The following NOLC1 variants were observed in gnomAD, a reference collection of about 807,000 sequenced individuals.
NOLC1 encodes 140 kDa nucleolar phosphoprotein.
NOLC1 carries 37 observed loss-of-function variants against 73.4 expected under a neutral mutation model. The observed-to-expected ratio is 0.50, with a 90% CI of 0.39 to 0.66. NOLC1 has a LOEUF of 0.66. Among genes scored for constraint, NOLC1 ranks in the 30% least tolerant of loss-of-function variants. The pLI is 0.00. For missense variants in NOLC1, 921 were observed against 838.9 expected (o/e 1.10, Z -1.21); for synonymous variants, 327 against 302.6 (o/e 1.08, Z -0.84).
At chr10:102,156,289 G>A (rs2069592919) in intron 1 of NOLC1, among the ~76,000 whole-genome samples, 1 of 151,946 alleles carries the variant, frequency 6.6e-6, no homozygotes, top group South Asian at 2.1e-4. Context: ...TTTTGGCAGA[G>A]GGGTAGAGAT....
In NOLC1 at chr10:102,157,465, G is replaced by A; in HGVS notation, c.351G>A (p.Gly117=). ...CCAAGCGAGTCGGTCTGCCTCCTGG[G>A]AAGGCTGCAGCCAAAGCATCAGAGA... ...VPAKRVGLPP[G]KAAAKASESS... The change falls in exon 4 of 13, where the codon GGG becomes GGA. Residue 117 remains glycine (G), a synonymous_variant. Coordinates refer to ENST00000605788, the MANE Select transcript of NOLC1 (RefSeq NM_004741.5). The A allele has an allele frequency of 1.2e-6, 2 of 1,614,196 alleles. No homozygotes were observed. The highest frequency in any genetic ancestry group is 1.7e-6 in the Non-Finnish European group (2 of 1,180,038).
intron 11 of NOLC1, 63 bp from the exon 12 acceptor site, chr10:102,161,770 A>G: frequency 1.4e-5 from 22 of 1,548,500 alleles, no homozygotes; most frequent in Non-Finnish European, 2.0e-5. Flanking sequence ...GCCCATGTGT[A>G]TCACTCAGGA....
At chr10:102,155,919 C>T (rs1157414130) in intron 1 of NOLC1, among the ~76,000 whole-genome samples, 3 of 151,760 alleles carry the variant, frequency 2.0e-5, no homozygotes, top group Non-Finnish European at 2.9e-5. Flanking sequence ...TGCAGTGGCG[C>T]GATCTCAGCT....
rs375777293 is a variant in NOLC1, at chr10:102,162,122, C to T, written c.1953C>T (p.Ala651=). The change falls in exon 13 of 13, where the codon GCC becomes GCT. Residue 651 remains alanine (A), a synonymous_variant. Transcript: ENST00000605788. ...TCTCTACTTACCAGCGAGGTGCAGC[C>T]GGAGACTGGGGAGAGCGAGCCAATC... ...DNSFDAKRGA[A]GDWGERANQV... 3.0e-5 allele frequency: 49 copies of T among 1,613,622 alleles called. No individual in the cohort carries two copies. In the Admixed American group the frequency reaches 4.5e-4, roughly 15 times the overall value.
At chr10:102,155,735 C>T (rs764678852) in intron 1 of NOLC1, among the ~76,000 whole-genome samples, 12 of 152,076 alleles carry the variant, frequency 7.9e-5, no homozygotes, top group Non-Finnish European at 4.4e-5. Context: ...GTCTCAAACT[C>T]CTGACATCAT....
At chr10:102,158,297 G>A (rs1258853127) in intron 5 of NOLC1, 83 bp downstream of exon 5, 1 of 1,205,246 alleles carries the variant, frequency 8.3e-7, no homozygotes, top group Non-Finnish European at 1.2e-6. Flanking sequence ...TTGGCACAGG[G>A]GTGAAATGGT....
rs758729794 is a variant in NOLC1, at chr10:102,159,975, G to A, written c.939G>A (p.Val313=). The A allele has an allele frequency of 6.2e-7, 1 of 1,611,840 alleles. No individual in the cohort carries two copies. Residue 313 remains valine (V), a synonymous_variant, in exon 8 of 13, where the codon GTG becomes GTA. Transcript: ENST00000605788. ...SLGTQPPKKA[V]EKQQPVESSE... ...GAACCCAGCCTCCCAAGAAGGCTGT[G>A]GAGAAGCAGCAGCCTGTGGAAAGCA... is the stretch of plus-strand genomic sequence containing the variant.
chr10:102,157,194 C>T lies in NOLC1; in HGVS notation c.182C>T (p.Ala61Val), dbSNP rs560818971. Residue 61 changes from alanine (A) to valine (V), a missense_variant, in exon 3 of 13, where the codon GCC becomes GTC. Coordinates refer to ENST00000605788, the MANE Select transcript of NOLC1 (RefSeq NM_004741.5). Reference protein sequence around the residue: ...LDIYSFWLKSAKVPERKLQAN... With the variant: ...LDIYSFWLKSVKVPERKLQAN... ...GGTCCAATCTACCTCAGCAGGTCTG[C>T]CAAGGTCCCAGAGCGAAAGTTACAG... 1 of 1,614,100 alleles carries T rather than the reference C, an allele frequency of 6.2e-7. No homozygotes were observed. The highest frequency in any genetic ancestry group is 1.1e-5 in the South Asian group (1 of 91,066).
At chr10:102,154,761 A>G (rs1020595349) in intron 1 of NOLC1, among the ~76,000 whole-genome samples, 13 of 152,010 alleles carry the variant, frequency 8.6e-5, no homozygotes, top group Non-Finnish European at 1.8e-4. Context: ...ATTCCTGATC[A>G]GGTGATCCAC....
At chr10:102,160,050 C>T in intron 8 of NOLC1, 26 bp downstream of exon 8, 1 of 1,608,460 alleles carries the variant, frequency 6.2e-7, no homozygotes, top group Non-Finnish European at 8.5e-7. Flanking sequence ...GCAGCCTCCC[C>T]TCAGCGTGGG....
rs1370185935 is a variant in NOLC1 at position 102,162,111 on chromosome 10, C to G, written c.1942C>G (p.Arg648Gly). 2.5e-6 allele frequency: 4 copies of G among 1,613,338 alleles called. No homozygotes were observed. The highest frequency in any genetic ancestry group is 3.4e-6 in the Non-Finnish European group (4 of 1,179,872). The part of the protein sequence containing the change: ...RVADNSFDAK[R>G]GAAGDWGERA... Reference sequence around the variant, plus strand: ...GTTAATCTCCCTCTCTACTTACCAGCGAGGTGCAGCCGGAGACTGGGGAGA... The same window carrying G: ...GTTAATCTCCCTCTCTACTTACCAGGGAGGTGCAGCCGGAGACTGGGGAGA... The change falls in exon 13 of 13, where the codon CGA becomes GGA. Residue 648 changes from arginine (R) to glycine (G), a missense_variant and splice_region_variant. By Grantham distance (125) the Arg-to-Gly change is moderately radical (BLOSUM62 -2). Transcript: ENST00000605788.
At chr10:102,161,212 G>T in intron 10 of NOLC1, 119 bp downstream of exon 10, 1 of 1,088,548 alleles carries the variant, frequency 9.2e-7, no homozygotes, top group East Asian at 2.5e-5. Context: ...TGTGGAAACT[G>T]GGAGGAAGAA....
intron 5 of NOLC1, among the ~76,000 whole-genome samples, chr10:102,158,837 A>G (rs141027356): frequency 1.1e-4 from 17 of 152,086 alleles, no homozygotes; most frequent in East Asian, 5.8e-4. Context: ...GCTCACACCT[A>G]TAATCCCAGC....
chr10:102,161,547 G>A lies in NOLC1; in HGVS notation c.1742-9G>A, dbSNP rs1178953205. ...GTACTCGGCCTGAGTCTGGCTTTTT[G>A]TTTTGTAGGTTCATTAAAGAAGCGG... On this transcript the variant is annotated splice_polypyrimidine_tract_variant and intron_variant, in intron 10 of 12. Transcript: ENST00000605788. 6.2e-7 allele frequency: 1 copy of A among 1,610,652 alleles called. No homozygotes were observed. Among genetic ancestry groups the A allele is most frequent in the East Asian group, 2.2e-5 (1 of 44,868 alleles).
chr10:102,159,100 G>A, intron 5 of NOLC1, 93 bp from the exon 6 acceptor site: 1 of 851,986 alleles, frequency 1.2e-6, no homozygotes, highest in South Asian at 2.0e-5. Context: ...AAAAATGGTG[G>A]ACTCCTAAGT....
intron 1 of NOLC1, among the ~76,000 whole-genome samples, chr10:102,156,427 T>A (rs2069595216): frequency 6.7e-6 from 1 of 149,476 alleles, no homozygotes; most frequent in Non-Finnish European, 1.5e-5. Flanking sequence ...CAGTCAAAAG[T>A]GATTTTTTTT....
chr10:102,156,120 G>C (rs1358126043), intron 1 of NOLC1, among the ~76,000 whole-genome samples: 1 of 152,236 alleles, frequency 6.6e-6, no homozygotes, highest in Admixed American at 6.5e-5. Context: ...GATTATAGGC[G>C]TGAGCCACTG....
At chr10:102,161,213 G>A (rs1365064281) in intron 10 of NOLC1, 120 bp downstream of exon 10, 6 of 1,090,942 alleles carry the variant, frequency 5.5e-6, no homozygotes, top group Non-Finnish European at 6.4e-6. Flanking sequence ...GTGGAAACTG[G>A]GAGGAAGAAC....
At chr10:102,161,484 G>A (rs1284421165) in intron 10 of NOLC1, 72 bp from the exon 11 acceptor site, 15 of 1,094,110 alleles carry the variant, frequency 1.4e-5, no homozygotes, top group Non-Finnish European at 1.9e-5. Flanking sequence ...CTCCTACCTT[G>A]GACTCCCAAA....
Sources: gnomAD v4.1 joint callset for allele counts (sites outside exome capture counted in the v4.1 genomes callset) on GRCh38, gnomAD v4.1.1 for gene constraint, MANE v1.5 for transcripts, NCBI Gene and HGNC (gene_info 2026-07-23, HGNC 2026-07-21) for gene names.